KCNAB1: variants seen among roughly 807,000 people sequenced by gnomAD.
KCNAB1 encodes the protein potassium voltage-gated channel subfamily A regulatory beta subunit 1.
In KCNAB1, 35 loss-of-function variants were observed where a neutral mutation model predicts 64.6. The ratio of observed to expected loss-of-function variants is 0.54; its 90% CI spans 0.41 to 0.72. The LOEUF (loss-of-function observed/expected upper bound fraction) is 0.72. KCNAB1 is among the 30% of genes least tolerant of loss of function. The probability of loss-of-function intolerance (pLI) is 0.00; values close to 1 mark genes in which losing one functional copy is unlikely to be tolerated. For missense variants in KCNAB1, 401 were observed against 512.9 expected, an observed-to-expected ratio of 0.78 and a Z score of 2.11; for synonymous variants, 177 against 183.8, an observed-to-expected ratio of 0.96 and a Z score of 0.30.
At chr3:156,318,467 G>A (rs1204415821) in intron 1 of KCNAB1, among the ~76,000 whole-genome samples, 1 of 152,032 alleles carries the variant, frequency 6.6e-6, no homozygotes, top group Non-Finnish European at 1.5e-5. Context: ...TTGCTTTGTT[G>A]GAATATGGAC....
At chr3:156,132,998 G>A (rs969109882) in intron 1 of KCNAB1, among the ~76,000 whole-genome samples, 1 of 152,148 alleles carries the variant, frequency 6.6e-6, no homozygotes, top group African/African-American at 2.4e-5. Flanking sequence ...TTGTATACAA[G>A]AGACTTTTTA....
At chr3:156,346,928 T>C (rs925586859) in intron 1 of KCNAB1, among the ~76,000 whole-genome samples, 2 of 152,064 alleles carry the variant, frequency 1.3e-5, no homozygotes, top group South Asian at 2.1e-4. Context: ...TAGAGTGATA[T>C]TAGAGCAATA....
chr3:156,482,557 AG>A (rs1559908555), intron 8 of KCNAB1, among the ~76,000 whole-genome samples: 1 of 151,658 alleles, frequency 6.6e-6, no homozygotes, highest in Non-Finnish European at 1.5e-5. Context: ...GGCAGTGGGG[AG>A]GGGGTTTGGA....
At chr3:156,387,014 C>CTCTCTCTTTTTT (rs60888308) in intron 1 of KCNAB1, among the ~76,000 whole-genome samples, 2 of 90,526 alleles carry the variant, frequency 2.2e-5, no homozygotes, top group African/African-American at 1.1e-4. Context: ...TTCTCTCTCT[C>CTCTCTCTTTTTT]TTTTTTTTTT....
At chr3:156,125,068 G>A (rs139284641) in intron 1 of KCNAB1, among the ~76,000 whole-genome samples, 212 of 151,986 alleles carry the variant, frequency 1.4e-3, no homozygotes, top group African/African-American at 4.6e-3. Context: ...AACCGAGGAG[G>A]CAGAGGTTGC....
At chr3:156,268,700 C>A (rs1718862013) in intron 1 of KCNAB1, among the ~76,000 whole-genome samples, 2 of 152,084 alleles carry the variant, frequency 1.3e-5, no homozygotes, top group Admixed American at 6.6e-5. Context: ...TGTCCATTTT[C>A]AAAATCAGAT....
intron 8 of KCNAB1, among the ~76,000 whole-genome samples, chr3:156,483,720 A>C: frequency 6.6e-6 from 1 of 152,134 alleles, no homozygotes; most frequent in Non-Finnish European, 1.5e-5. Flanking sequence ...AGTTGTTGAC[A>C]TGTTGCCTCA....
intron 1 of KCNAB1, among the ~76,000 whole-genome samples, chr3:156,385,985 A>G (rs1712557323): frequency 6.6e-6 from 1 of 152,210 alleles, no homozygotes; most frequent in Admixed American, 6.5e-5. Flanking sequence ...ATTTCAAATA[A>G]TTCAATCATG....
At chr3:156,450,413 A>G (rs1213709124) in intron 2 of KCNAB1, among the ~76,000 whole-genome samples, 5 of 152,226 alleles carry the variant, frequency 3.3e-5, no homozygotes, top group Admixed American at 3.3e-4. Flanking sequence ...AAATATAGTT[A>G]ACAGTGTGCT....
intron 1 of KCNAB1, among the ~76,000 whole-genome samples, chr3:156,390,487 C>T (rs1712954929): frequency 6.6e-6 from 1 of 152,134 alleles, no homozygotes; most frequent in African/African-American, 2.4e-5. Flanking sequence ...AGTGTTTGAA[C>T]TCTTTTCCTT....
At chr3:156,209,908 C>A (rs1338845663) in intron 1 of KCNAB1, among the ~76,000 whole-genome samples, 3 of 152,182 alleles carry the variant, frequency 2.0e-5, no homozygotes, top group Admixed American at 2.0e-4. Context: ...AATTTCAAAC[C>A]AGTGCACTTG....
At chr3:156,404,663 C>T (rs1049572599) in intron 1 of KCNAB1, among the ~76,000 whole-genome samples, 3 of 152,200 alleles carry the variant, frequency 2.0e-5, no homozygotes, top group Non-Finnish European at 2.9e-5. Flanking sequence ...GGAAGTTAAG[C>T]AACTATCCCA....
chr3:156,302,437 C>T (rs1463228382), intron 1 of KCNAB1, among the ~76,000 whole-genome samples: 2 of 152,026 alleles, frequency 1.3e-5, no homozygotes, highest in Non-Finnish European at 2.9e-5. Context: ...TAAAGGAACC[C>T]TAAAGTATCA....
chr3:156,419,285 G>T (rs972549816), intron 1 of KCNAB1, among the ~76,000 whole-genome samples: 3 of 152,028 alleles, frequency 2.0e-5, no homozygotes, highest in Admixed American at 6.5e-5. Context: ...GGTGGATCAC[G>T]AGGTCAGGAG....
chr3:156,445,661 GT>G (rs1711507144), intron 2 of KCNAB1, among the ~76,000 whole-genome samples: 1 of 152,196 alleles, frequency 6.6e-6, no homozygotes, highest in Admixed American at 6.5e-5. Context: ...CACTTACCCT[GT>G]GCCAGGCTCC....
At chr3:156,208,453 G>A (rs1407517702) in intron 1 of KCNAB1, among the ~76,000 whole-genome samples, 1 of 152,170 alleles carries the variant, frequency 6.6e-6, no homozygotes, top group African/African-American at 2.4e-5. Flanking sequence ...AGACTAGGAA[G>A]GAGGATGAGA....
chr3:156,516,309 T>A lies in KCNAB1; in HGVS notation c.905T>A (p.Ile302Asn). The A allele has an allele frequency of 6.2e-7, 1 of 1,614,094 alleles. No homozygotes were observed. Among genetic ancestry groups the A allele is most frequent in the Non-Finnish European group, 8.5e-7 (1 of 1,179,938 alleles). The change falls in exon 11 of 14, where the codon ATC (isoleucine) becomes AAC (asparagine). Residue 302 changes from isoleucine (I) to asparagine (N), a missense_variant. Transcript: ENST00000490337. ...AMTWSPLACG[I>N]ISGKYGNGVP... ...ACATGGTCTCCACTTGCCTGTGGAA[T>A]CATCTCAGGAAAATACGGAAACGGG...
At chr3:156,118,443 G>A (rs1713174374), upstream of KCNAB1, 5 of 351,120 alleles carry the variant, frequency 1.4e-5, no homozygotes, top group South Asian at 4.6e-5. Context: ...CTTCCACCAC[G>A]TTTTACATTG....
intron 1 of KCNAB1, among the ~76,000 whole-genome samples, chr3:156,278,100 C>T (rs1487969729): frequency 1.3e-5 from 2 of 151,994 alleles, no homozygotes; most frequent in Non-Finnish European, 1.5e-5. Context: ...CAACATTCTT[C>T]CTTCAAAAAT....
Sources: gnomAD v4.1 joint callset for allele counts (sites outside exome capture counted in the v4.1 genomes callset) on GRCh38, gnomAD v4.1.1 for gene constraint, MANE v1.5 for transcripts, NCBI Gene and HGNC (gene_info 2026-07-23, HGNC 2026-07-21) for gene names.